The following LARP1B variants were observed in gnomAD, a reference collection of about 807,000 sequenced individuals.
LARP1B encodes the protein La ribonucleoprotein 1B, also known as la-related protein 1B.
LARP1B carries 76 observed loss-of-function variants against 114.2 expected under a neutral mutation model. That is an observed-to-expected ratio of 0.67 (90% CI 0.55 to 0.81). The LOEUF (loss-of-function observed/expected upper bound fraction) is 0.81. LARP1B is among the 30% of genes least tolerant of loss of function. LARP1B has a pLI of 0.00. For synonymous variants in LARP1B, 345 were observed against 348.0 expected, an observed-to-expected ratio of 0.99 and a Z score of 0.10; for missense variants, 1,014 against 1,075.8, an observed-to-expected ratio of 0.94 and a Z score of 0.80.
chr4:128,200,317 A>G (rs1755551454), intron 16 of LARP1B, among the ~76,000 whole-genome samples: 1 of 152,176 alleles, frequency 6.6e-6, no homozygotes, highest in African/African-American at 2.4e-5. Flanking sequence ...AGGAGTGTCC[A>G]GTCTAGATCC....
At chr4:128,172,622 G>A (rs1744231805) in intron 12 of LARP1B, among the ~76,000 whole-genome samples, 1 of 152,004 alleles carries the variant, frequency 6.6e-6, no homozygotes, top group Non-Finnish European at 1.5e-5. Context: ...GAACCCGGGA[G>A]GTAGAGGTTG....
intron 11 of LARP1B, among the ~76,000 whole-genome samples, chr4:128,143,824 T>A (rs1729168898): frequency 6.6e-6 from 1 of 152,118 alleles, no homozygotes; most frequent in Non-Finnish European, 1.5e-5. Flanking sequence ...TGTGTATCTA[T>A]ATTAATATGC....
At chr4:128,144,236 T>A (rs1342812210) in intron 11 of LARP1B, among the ~76,000 whole-genome samples, 1 of 152,198 alleles carries the variant, frequency 6.6e-6, no homozygotes, top group African/African-American at 2.4e-5. Flanking sequence ...ATGTGTTGTT[T>A]TCCCCTCTGG....
rs538836671 is a variant in LARP1B at position 128,118,025 on chromosome 4, C to T, written c.1161+3283C>T. On this transcript the variant is annotated intron_variant, in intron 10 of 19. Transcript: ENST00000326639. ...CTGCCTCCTGGGCTCAAGCGATTCC[C>T]CTGCTTCAGCCTCCCAAGTAGCTGG... Among the ~76,000 whole-genome samples, 579 of 150,328 alleles carry T rather than the reference C, an allele frequency of 3.9e-3. 4 individuals carry two copies. The highest frequency in any genetic ancestry group is 0.038 in the Middle Eastern group (11 of 292).
At chr4:128,091,591 A>G in intron 7 of LARP1B, 79 bp downstream of exon 7, 2 of 1,127,216 alleles carry the variant, frequency 1.8e-6, no homozygotes, top group East Asian at 2.5e-5. Context: ...GATAATGAAT[A>G]TGCTATAATT....
chr4:128,206,422 T>C lies in LARP1B; in HGVS notation c.2310-6T>C. 2 of 1,532,174 alleles carry C rather than the reference T, an allele frequency of 1.3e-6. No individual in the cohort carries two copies. Among genetic ancestry groups the C allele is most frequent in the Non-Finnish European group, 1.8e-6 (2 of 1,125,832 alleles). 94.9% of individuals were successfully genotyped at this position (1,532,174 alleles called of 1,614,324 possible). A position where few individuals can be genotyped will look rare whatever the true frequency, so the allele number is the denominator to read the frequency against. On this transcript the variant is annotated splice_polypyrimidine_tract_variant and splice_region_variant and intron_variant, in intron 17 of 19. Coordinates refer to ENST00000326639, the MANE Select transcript of LARP1B (RefSeq NM_018078.4). ...TTATTATAAACCTTTTATTTTCTCT[T>C]TATAGGTATGGGTTAGAATGTCTGT... is the stretch of plus-strand genomic sequence containing the variant.
intron 5 of LARP1B, among the ~76,000 whole-genome samples, chr4:128,088,705 C>T (rs1023717629): frequency 6.6e-6 from 1 of 152,142 alleles, no homozygotes; most frequent in Admixed American, 6.6e-5. Context: ...ACCTAGAGTG[C>T]TTCACATAGT....
In LARP1B at chr4:128,088,359, C is replaced by T. The variant is rs181992914; in HGVS notation, c.359-2642C>T. ...ATTGGTTTCTTTCATGTTTTGAAAT[C>T]GCCATGCAATGTGACTTTATCAACA... On this transcript the variant is annotated intron_variant, in intron 5 of 19. Transcript: ENST00000326639. Among the ~76,000 whole-genome samples the T allele has an allele frequency of 2.7e-4, 41 of 152,228 alleles. 2 individuals carry two copies. Among genetic ancestry groups the T allele is most frequent in the Admixed American group, 1.9e-3 (29 of 15,276 alleles).
intron 5 of LARP1B, among the ~76,000 whole-genome samples, chr4:128,084,590 G>C (rs953145565): frequency 2.5e-4 from 36 of 144,354 alleles, no homozygotes; most frequent in Middle Eastern, 3.4e-3. Context: ...GTCCAGCTTC[G>C]GCTCGGCATC....
chr4:128,191,768 G>T (rs1752371581), intron 15 of LARP1B, among the ~76,000 whole-genome samples: 1 of 151,714 alleles, frequency 6.6e-6, no homozygotes, highest in Non-Finnish European at 1.5e-5. Context: ...CTCCCTGCTA[G>T]CCCTCATGAT....
At chr4:128,155,452 C>A in intron 11 of LARP1B, 1 of 736,844 alleles carries the variant, frequency 1.4e-6, no homozygotes, top group Non-Finnish European at 2.4e-6. Context: ...GGCGACCCCG[C>A]GCAGCCCCCC....
chr4:128,147,766 A>T (rs1730993005), intron 11 of LARP1B, among the ~76,000 whole-genome samples: 1 of 152,016 alleles, frequency 6.6e-6, no homozygotes, highest in African/African-American at 2.4e-5. Context: ...GGCCAGTAGT[A>T]AAAAAAAGAA....
intron 5 of LARP1B, 97 bp from the exon 6 acceptor site, chr4:128,090,904 C>G: frequency 1.1e-6 from 1 of 885,322 alleles, no homozygotes; most frequent in Non-Finnish European, 1.7e-6. Context: ...TCATTAGTTA[C>G]AAAGTGGAAG....
At chr4:128,067,747 T>C (rs1176897609) in intron 1 of LARP1B, among the ~76,000 whole-genome samples, 1 of 151,774 alleles carries the variant, frequency 6.6e-6, no homozygotes, top group East Asian at 1.9e-4. Context: ...GGCGCCTTGC[T>C]CTCGTCGCTC....
At chr4:128,117,913 CTTTTTTT>C (rs35542391) in intron 10 of LARP1B, among the ~76,000 whole-genome samples, 1 of 102,596 alleles carries the variant, frequency 9.7e-6, no homozygotes, top group East Asian at 2.7e-4. Flanking sequence ...AACAGAAAAT[CTTTTTTT>C]TTTTTTTTTT....
chr4:128,202,536 T>A (rs911335869), intron 17 of LARP1B, among the ~76,000 whole-genome samples: 16 of 152,236 alleles, frequency 1.1e-4, no homozygotes, highest in South Asian at 4.1e-4. Flanking sequence ...TTGGACCTAG[T>A]CAGAAAAGTT....
At chr4:128,107,854 GAAAAA>G in intron 9 of LARP1B, 5 of 1,534,396 alleles carry the variant, frequency 3.3e-6, no homozygotes, top group Non-Finnish European at 4.4e-6. Context: ...TCCCTCTTGG[GAAAAA>G]ATGTGTGCTT....
chr4:128,073,589 T>TG (rs1561056944), intron 1 of LARP1B, among the ~76,000 whole-genome samples: 16 of 38,396 alleles, frequency 4.2e-4, no homozygotes, highest in South Asian at 1.3e-3. Flanking sequence ...TTTTTTTTTT[T>TG]TTTTTTTTTT....
chr4:128,184,793 G>C (rs948245688), intron 15 of LARP1B, among the ~76,000 whole-genome samples: 1 of 152,044 alleles, frequency 6.6e-6, no homozygotes, highest in Non-Finnish European at 1.5e-5. Flanking sequence ...TTATCTCTAT[G>C]AGATCTACTT....
Sources: gnomAD v4.1 joint callset for allele counts (sites outside exome capture counted in the v4.1 genomes callset) on GRCh38, gnomAD v4.1.1 for gene constraint, MANE v1.5 for transcripts, NCBI Gene and HGNC (gene_info 2026-07-23, HGNC 2026-07-21) for gene names.